TSPAN11: variants seen among roughly 807,000 people sequenced by gnomAD.
The protein encoded by TSPAN11 is tetraspanin 11, also known as tetraspanin-11.
In TSPAN11, 29 loss-of-function variants were observed where a neutral mutation model predicts 32.9. The ratio of observed to expected loss-of-function variants is 0.88; its 90% CI spans 0.66 to 1.20. The LOEUF (loss-of-function observed/expected upper bound fraction) is 1.20, where lower values mean the gene tolerates loss of function less well. Among genes scored for constraint, TSPAN11 ranks in the 50% most tolerant of loss-of-function variants. The pLI is 0.00. For synonymous variants in TSPAN11, 140 were observed against 141.3 expected, an observed-to-expected ratio of 0.99 and a Z score of 0.07; for missense variants, 283 against 329.1, an observed-to-expected ratio of 0.86 and a Z score of 1.08.
chr12:31,014,377 A>G, the TSPAN11 span, among the ~76,000 whole-genome samples: 1 of 152,338 alleles, frequency 6.6e-6, no homozygotes, highest in East Asian at 1.9e-4. Context: ...CACCTTCTCA[A>G]TAACTCTTCC....
chr12:31,004,562 C>T, the TSPAN11 span, among the ~76,000 whole-genome samples: 1 of 152,128 alleles, frequency 6.6e-6, no homozygotes, highest in African/African-American at 2.4e-5. Context: ...CCAATGGGGT[C>T]CTCTGTCGCT....
chr12:30,973,241 C>G (rs1592487776), intron 3 of TSPAN11, among the ~76,000 whole-genome samples: 1 of 152,278 alleles, frequency 6.6e-6, no homozygotes, highest in East Asian at 1.9e-4. Context: ...CTGTCCTCAT[C>G]TATAAAGCGA....
intron 7 of TSPAN11, chr12:30,986,708 C>T (rs1176489071): frequency 6.6e-6 from 1 of 152,218 alleles, no homozygotes; most frequent in Non-Finnish European, 1.5e-5. Flanking sequence ...GAAAACTAAG[C>T]AGAATATTTA....
In TSPAN11 at chr12:30,992,011, C is replaced by A; in HGVS notation, c.*96C>A. ...AGAGTTAGCACCAGCTCCACTAGGG[C>A]CATAGATGCCCCCTCCTTTGTGCCT... is the stretch of plus-strand genomic sequence containing the variant. On this transcript the variant is annotated 3_prime_UTR_variant, in exon 8 of 8. Transcript: ENST00000546076. The A allele has an allele frequency of 7.5e-7, 1 of 1,337,920 alleles. No homozygotes were observed. The highest frequency in any genetic ancestry group is 1.1e-6 in the Non-Finnish European group (1 of 933,972). 82.9% of individuals were successfully genotyped at this position (1,337,920 alleles called of 1,614,324 possible). A position where few individuals can be genotyped will look rare whatever the true frequency, so the allele number is the denominator to read the frequency against.
At chr12:30,927,673 G>C (rs138243147) in intron 1 of TSPAN11, among the ~76,000 whole-genome samples, 1 of 152,308 alleles carries the variant, frequency 6.6e-6, no homozygotes, top group Non-Finnish European at 1.5e-5. Flanking sequence ...GGAGCGTGAA[G>C]AAGAGAATGA....
chr12:31,016,260 T>A, the TSPAN11 span, among the ~76,000 whole-genome samples: 1 of 151,676 alleles, frequency 6.6e-6, no homozygotes, highest in Non-Finnish European at 1.5e-5. Flanking sequence ...AAGGCGGGAG[T>A]TGGGCAGCTT....
intron 5 of TSPAN11, among the ~76,000 whole-genome samples, 170 bp downstream of exon 5, chr12:30,979,840 C>T (rs1418532416): frequency 1.3e-5 from 2 of 152,258 alleles, no homozygotes; most frequent in African/African-American, 4.8e-5. Flanking sequence ...AACCTGGCCA[C>T]ATCTCTAGAT....
intron 3 of TSPAN11, among the ~76,000 whole-genome samples, chr12:30,968,334 G>T (rs955117210): frequency 1.1e-4 from 17 of 152,360 alleles, no homozygotes; most frequent in African/African-American, 4.1e-4. Flanking sequence ...ACACAGGCAC[G>T]ATGTCTGTCC....
rs568411059 is a variant in TSPAN11 at position 30,977,908 on chromosome 12, G to C, written c.277-653G>C. 9.3e-4 allele frequency among the ~76,000 whole-genome samples: 141 copies of C among 152,262 alleles called. 2 individuals carry two copies. The highest frequency in any genetic ancestry group is 1.8e-3 in the Non-Finnish European group (125 of 68,012). On this transcript the variant is annotated intron_variant, in intron 3 of 7. Coordinates refer to ENST00000546076, the MANE Select transcript of TSPAN11 (RefSeq NM_001370302.1). ...GCATCAGGGCTGAAAGACAACACAG[G>C]AATCACCTTCCCCTGGACCTCTGAT...
At position 30,979,703 on chromosome 12, in the gene TSPAN11, A is replaced by C. The variant is rs747966987; in HGVS notation, c.456+33A>C. On this transcript the variant is annotated intron_variant, in intron 5 of 7. Transcript: ENST00000546076. ...ATGCCCCATATGGCCTTGAAGGCCA[A>C]GCCCACAAGGATTCAAATCCCGACT... 22 of 1,601,766 alleles carry C rather than the reference A, an allele frequency of 1.4e-5. No individual in the cohort carries two copies. In the Admixed American group the frequency reaches 2.8e-4, roughly 21 times the overall value.
intron 1 of TSPAN11, among the ~76,000 whole-genome samples, chr12:30,938,897 G>A (rs1013496447): frequency 6.6e-6 from 1 of 152,162 alleles, no homozygotes; most frequent in South Asian, 2.1e-4. Flanking sequence ...ACCTGGGCTT[G>A]ATTCCCAGGT....
chr12:30,936,404 C>G (rs941591476), intron 1 of TSPAN11, among the ~76,000 whole-genome samples: 3 of 152,166 alleles, frequency 2.0e-5, no homozygotes, highest in Non-Finnish European at 4.4e-5. Context: ...TTGTGTGCCA[C>G]GTAGTGAGGC....
the TSPAN11 span, among the ~76,000 whole-genome samples, chr12:31,011,852 G>A: frequency 6.6e-6 from 1 of 152,356 alleles, no homozygotes; most frequent in East Asian, 1.9e-4. Flanking sequence ...CTAGAGAAAA[G>A]TTTAACAGAG....
In TSPAN11 at chr12:30,991,885, G is replaced by A. The variant is rs770237356; in HGVS notation, c.732G>A (p.Leu244=). 5 of 1,614,130 alleles carry A rather than the reference G, an allele frequency of 3.1e-6. No homozygotes were observed. The highest frequency in any genetic ancestry group is 4.2e-6 in the Non-Finnish European group (5 of 1,180,006). The change falls in exon 8 of 8, where the codon TTG becomes TTA. Residue 244 remains leucine, a synonymous_variant. Coordinates refer to ENST00000546076, the MANE Select transcript of TSPAN11 (RefSeq NM_001370302.1). The part of the protein sequence containing the change: ...QICGMVLTCC[L]HQRLQRHFY The stretch of plus-strand genomic sequence containing the variant: ...GCGGGATGGTTCTCACCTGCTGCTT[G>A]CACCAGAGGCTCCAGCGGCATTTTT...
chr12:30,970,072 G>A (rs1938817222), intron 3 of TSPAN11, among the ~76,000 whole-genome samples: 1 of 152,184 alleles, frequency 6.6e-6, no homozygotes, highest in African/African-American at 2.4e-5. Context: ...CCTTCAGGCT[G>A]TACTATCTCT....
the TSPAN11 span, among the ~76,000 whole-genome samples, chr12:31,009,016 C>A: frequency 6.6e-6 from 1 of 152,178 alleles, no homozygotes; most frequent in Non-Finnish European, 1.5e-5. Context: ...ATAATGACCC[C>A]AATCGCTGTG....
chr12:31,012,391 G>A, the TSPAN11 span: 2 of 152,374 alleles, frequency 1.3e-5, no homozygotes. Flanking sequence ...CATGGTGCAT[G>A]ATGCATGTGT....
intron 3 of TSPAN11, among the ~76,000 whole-genome samples, chr12:30,970,806 A>G (rs932100730): frequency 6.6e-6 from 1 of 152,208 alleles, no homozygotes; most frequent in Admixed American, 6.5e-5. Context: ...ACTTGGTTAC[A>G]GGAATGGCTG....
chr12:30,947,113 A>G (rs531693550), intron 1 of TSPAN11, among the ~76,000 whole-genome samples: 92 of 152,226 alleles, frequency 6.0e-4, no homozygotes, highest in Non-Finnish European at 9.6e-4. Context: ...GGGGCAGATA[A>G]GCCCACATCA....
Sources: allele counts gnomAD v4.1 joint callset (sites outside exome capture counted in the v4.1 genomes callset), GRCh38; gene constraint gnomAD v4.1.1; transcripts MANE v1.5; gene names NCBI Gene and HGNC (gene_info 2026-07-23, HGNC 2026-07-21).